UPF2: variants seen among roughly 807,000 people sequenced by gnomAD.
UPF2 encodes the protein UPF2 regulator of nonsense mediated mRNA decay.
A neutral mutation model predicts 141.4 loss-of-function variants in UPF2; 17 were observed. The ratio of observed to expected loss-of-function variants is 0.12; its 90% CI spans 0.08 to 0.18. UPF2 has a LOEUF of 0.18. UPF2 is among the 10% of genes least tolerant of loss of function. UPF2 has a pLI of 1.00. For synonymous variants in UPF2, 540 were observed against 498.0 expected (o/e 1.08, Z -1.12); for missense variants, 1,152 against 1,515.9 (o/e 0.76, Z 3.99).
chr10:11,937,074 ACCAGGCAAGGTGGGCTCATCACTGCATCC>A (rs1421039464), intron 18 of UPF2, among the ~76,000 whole-genome samples: 1 of 152,136 alleles, frequency 6.6e-6, no homozygotes, highest in African/African-American at 2.4e-5. Context: ...CTTCATAATC[ACCAGGCAAGGTGGGCTCATCACTGCATCC>A]CTTTCTCCAG....
rs979928466 is a variant in UPF2, at chr10:12,019,758, C to T, written c.1146-5574G>A. 3.9e-5 allele frequency among the ~76,000 whole-genome samples: 6 copies of T among 152,096 alleles called. No homozygotes were observed. Among genetic ancestry groups the T allele is most frequent in the Admixed American group, 6.6e-5 (1 of 15,252 alleles). ...TTTGTTTTTGAGATGGATTCTCGCT[C>T]TGCTGCCCAGGCTGGAGTGTAGTGG... On this transcript the variant is annotated intron_variant, in intron 3 of 21. Transcript: ENST00000357604. The surrounding 1 kb of genome is among the most constrained non-coding windows in gnomAD (Gnocchi z 4.5).
At chr10:11,923,215 T>G (rs1387249455) in intron 21 of UPF2, 2 of 152,130 alleles carry the variant, frequency 1.3e-5, no homozygotes, top group African/African-American at 2.4e-5. Context: ...CTAAAAATTG[T>G]AGTGATACAG....
intron 19 of UPF2, among the ~76,000 whole-genome samples, chr10:11,934,572 A>G (rs571848261): frequency 6.6e-6 from 1 of 151,800 alleles, no homozygotes; most frequent in Admixed American, 6.6e-5. Flanking sequence ...CCAGCTCCAC[A>G]CTCCATGATT....
At position 11,952,144 on chromosome 10, in the gene UPF2, T is replaced by C. The variant is rs1410088363; in HGVS notation, c.2956A>G (p.Lys986Glu). The change falls in exon 15 of 22, where the codon AAG becomes GAG. Residue 986 changes from lysine (K) to glutamate (E), a missense_variant. Coordinates refer to ENST00000357604, the MANE Select transcript of UPF2 (RefSeq NM_015542.4). ...TCCAGAGAATTACAGAGTTTGATCT[T>C]TGGTCTTAGCAGTTCTAGTGTATCA... ...ISDTLELLRP[K>E]IKLCNSLEES... is the part of the protein sequence containing the mutation. The C allele has an allele frequency of 6.2e-7, 1 of 1,614,070 alleles. No individual in the cohort carries two copies. The highest frequency in any genetic ancestry group is 1.3e-5 in the African/African-American group (1 of 75,050).
intron 1 of UPF2, among the ~76,000 whole-genome samples, chr10:12,037,436 C>T (rs1266473307): frequency 7.2e-6 from 1 of 139,764 alleles, no homozygotes; most frequent in Admixed American, 7.5e-5. Context: ...CGCTCTGTTG[C>T]CTAGGCTGGA....
rs1833567801 is a variant in UPF2 at position 11,980,083 on chromosome 10, C to T, written c.1845-918G>A. ...TGGCAAATATGTGGCACTCACACTG[C>T]CACCCTCTTCCATTGTCAAAGCACT... On this transcript the variant is annotated intron_variant, in intron 8 of 21. Coordinates refer to ENST00000357604, the MANE Select transcript of UPF2 (RefSeq NM_015542.4). This position sits in a 1 kb window ranked among gnomAD's most constrained non-coding sequence, Gnocchi z 4.2. 6.6e-6 allele frequency among the ~76,000 whole-genome samples: 1 copy of T among 152,130 alleles called. No individual in the cohort carries two copies. The highest frequency in any genetic ancestry group is 1.9e-4 in the East Asian group (1 of 5,190).
rs775984519 is a variant in UPF2, at chr10:11,940,432, C to A, written c.3378+2233G>T. Among the ~76,000 whole-genome samples, 5 of 152,166 alleles carry A rather than the reference C, an allele frequency of 3.3e-5. No individual in the cohort carries two copies. The highest frequency in any genetic ancestry group is 5.9e-5 in the Non-Finnish European group (4 of 68,030). On this transcript the variant is annotated intron_variant, in intron 18 of 21. Transcript: ENST00000357604. This position sits in a 1 kb window ranked among gnomAD's most constrained non-coding sequence, Gnocchi z 4.2. ...TCCGATGCTTTCAATATACTCTACC[C>A]ATCACATTTCTGTTTTCACTCCACG...
intron 2 of UPF2, among the ~76,000 whole-genome samples, chr10:12,033,486 T>C (rs573049763): frequency 3.9e-5 from 6 of 152,042 alleles, no homozygotes; most frequent in South Asian, 4.2e-4. Context: ...TGAGCTGGCA[T>C]TGTACCACTA....
At chr10:12,002,380 T>A in intron 5 of UPF2, among the ~76,000 whole-genome samples, 1 of 152,168 alleles carries the variant, frequency 6.6e-6, no homozygotes, top group East Asian at 1.9e-4. Context: ...GGAGAGAGAT[T>A]GTGTGGATGA....
intron 8 of UPF2, among the ~76,000 whole-genome samples, chr10:11,983,697 T>C (rs1160134749): frequency 6.6e-6 from 1 of 151,836 alleles, no homozygotes; most frequent in African/African-American, 2.4e-5. Context: ...TAATATACTA[T>C]GTATTAAATA....
chr10:11,962,365 A>G (rs1004329266), intron 11 of UPF2, among the ~76,000 whole-genome samples: 1 of 152,118 alleles, frequency 6.6e-6, no homozygotes, highest in Non-Finnish European at 1.5e-5. Context: ...TTATTCCCTC[A>G]TATCTGTGAC....
At chr10:12,013,525 G>A (rs540838229) in intron 4 of UPF2, among the ~76,000 whole-genome samples, 6 of 152,006 alleles carry the variant, frequency 3.9e-5, no homozygotes, top group African/African-American at 7.2e-5. Context: ...CTCCCGCCTC[G>A]GCCTCCCAAA....
At chr10:11,923,989 C>T (rs1231609402) in intron 21 of UPF2, among the ~76,000 whole-genome samples, 1 of 152,126 alleles carries the variant, frequency 6.6e-6, no homozygotes, top group African/African-American at 2.4e-5. Flanking sequence ...ATTGAAATAA[C>T]CCATATGAAT....
chr10:11,982,712 C>T (rs1048027099), intron 8 of UPF2, among the ~76,000 whole-genome samples: 6 of 152,114 alleles, frequency 3.9e-5, no homozygotes, highest in Admixed American at 6.5e-5. Context: ...CCACGACCTC[C>T]GCCTCCCAAG....
chr10:11,952,283 G>A lies in UPF2; in HGVS notation c.2851-34C>T, dbSNP rs563701298. ...AAATGAAAAATAAATTTAGCTATAA[G>A]AAATTAGTAACAAAATATTTTAAAA... On this transcript the variant is annotated intron_variant, in intron 14 of 21. Transcript: ENST00000357604. 4 of 1,526,136 alleles carry A rather than the reference G, an allele frequency of 2.6e-6. No individual in the cohort carries two copies. In the South Asian group the frequency reaches 5.1e-5, roughly 19 times the overall value. 94.5% of individuals were successfully genotyped at this position (1,526,136 alleles called of 1,614,324 possible).
At chr10:11,991,813 C>T (rs950953351) in intron 8 of UPF2, among the ~76,000 whole-genome samples, 2 of 152,154 alleles carry the variant, frequency 1.3e-5, no homozygotes, top group Admixed American at 1.3e-4. Flanking sequence ...ATTCAAGGCA[C>T]ATTTTTCCCC....
chr10:11,928,831 G>T, intron 21 of UPF2: 1 of 183,762 alleles, frequency 5.4e-6, no homozygotes, highest in Non-Finnish European at 1.2e-5. Context: ...GGAACTGGTA[G>T]GAATTCCATC....
intron 11 of UPF2, among the ~76,000 whole-genome samples, chr10:11,963,067 A>T (rs1833264832): frequency 6.6e-6 from 1 of 151,962 alleles, no homozygotes; most frequent in Non-Finnish European, 1.5e-5. Context: ...AACTCTTCCA[A>T]TTTTATATTC....
chr10:12,003,387 T>C (rs1833983457), intron 5 of UPF2, among the ~76,000 whole-genome samples: 1 of 152,110 alleles, frequency 6.6e-6, no homozygotes, highest in Non-Finnish European at 1.5e-5. Context: ...GGTAGTCAAA[T>C]AGGGTATGGT....
Sources: gnomAD v4.1 joint callset for allele counts (sites outside exome capture counted in the v4.1 genomes callset) on GRCh38, gnomAD v4.1.1 for gene constraint, Gnocchi (gnomAD v3.1) non-coding constraint, MANE v1.5 for transcripts, NCBI Gene and HGNC (gene_info 2026-07-23, HGNC 2026-07-21) for gene names.